The following ANKH variants were observed in gnomAD, a reference collection of about 807,000 sequenced individuals.
ANKH encodes ANKH inorganic pyrophosphate transport regulator, also known as mineralization regulator ANKH.
A neutral mutation model predicts 49.0 loss-of-function variants in ANKH; 15 were observed. The ratio of observed to expected loss-of-function variants is 0.31; its 90% CI spans 0.20 to 0.47. The LOEUF is 0.47. Ranked by LOEUF, ANKH falls within the 20% of genes least tolerant of loss-of-function variation. The probability of loss-of-function intolerance (pLI) is 1.00; values close to 1 mark genes in which losing one functional copy is unlikely to be tolerated. For missense variants in ANKH, 429 were observed against 652.0 expected (o/e 0.66, Z 3.72); for synonymous variants, 273 against 260.0 (o/e 1.05, Z -0.48).
intron 1 of ANKH, among the ~76,000 whole-genome samples, chr5:14,811,072 C>A (rs569703462): frequency 2.6e-5 from 4 of 152,280 alleles, no homozygotes; most frequent in African/African-American, 7.2e-5. Flanking sequence ...ATCATGATCC[C>A]TCCAGTAGAC....
At chr5:14,813,564 C>T (rs1430557528) in intron 1 of ANKH, among the ~76,000 whole-genome samples, 1 of 152,074 alleles carries the variant, frequency 6.6e-6, no homozygotes, top group African/African-American at 2.4e-5. Flanking sequence ...TCCTGGAAAC[C>T]CCCAATGTGA....
intron 2 of ANKH, chr5:14,768,682 C>G (rs1739327101): frequency 4.0e-6 from 2 of 495,762 alleles, no homozygotes. Context: ...AACGAAAGCA[C>G]CTGCTATTTT....
chr5:14,803,906 G>C (rs541362436), intron 1 of ANKH, among the ~76,000 whole-genome samples: 2 of 151,960 alleles, frequency 1.3e-5, no homozygotes, highest in South Asian at 4.1e-4. Flanking sequence ...CCCCAACTTT[G>C]TTTTTTTAGA....
chr5:14,867,869 CATTTT>C (rs1735697597), intron 1 of ANKH, among the ~76,000 whole-genome samples: 1 of 152,188 alleles, frequency 6.6e-6, no homozygotes, highest in South Asian at 2.1e-4. Flanking sequence ...AAAAGCAGAT[CATTTT>C]ATTCCATAGA....
At position 14,864,999 on chromosome 5, in the gene ANKH, G is replaced by A. The variant is rs989388513; in HGVS notation, c.96+6353C>T. 1.5e-4 allele frequency among the ~76,000 whole-genome samples: 23 copies of A among 152,120 alleles called. 1 individual carries two copies. Among genetic ancestry groups the A allele is most frequent in the Admixed American group, 1.2e-3 (19 of 15,268 alleles). ...TCGGCGGCCAGGCGTGGTGGCTCAC[G>A]CCTGTAATCCCAGCACTTTGGGAGG... On this transcript the variant is annotated intron_variant, in intron 1 of 11. Coordinates refer to ENST00000284268, the MANE Select transcript of ANKH (RefSeq NM_054027.6).
At chr5:14,785,984 T>C (rs1274327777) in intron 1 of ANKH, among the ~76,000 whole-genome samples, 2 of 141,330 alleles carry the variant, frequency 1.4e-5, no homozygotes, top group Non-Finnish European at 3.0e-5. Flanking sequence ...AGGCACAGGT[T>C]GCAGTGAGCC....
chr5:14,854,695 A>C (rs1048718098), intron 1 of ANKH, among the ~76,000 whole-genome samples: 1 of 152,088 alleles, frequency 6.6e-6, no homozygotes, highest in African/African-American at 2.4e-5. Flanking sequence ...TAAAATAAAT[A>C]AACAAAAAAT....
At chr5:14,798,211 G>A in intron 1 of ANKH, 1 of 1,594,736 alleles carries the variant, frequency 6.3e-7, no homozygotes, top group South Asian at 1.1e-5. Flanking sequence ...ACAAGTCGAT[G>A]AAGGCTGAAA....
chr5:14,849,242 TTTCTC>T (rs1242135544), intron 1 of ANKH, among the ~76,000 whole-genome samples: 7 of 152,228 alleles, frequency 4.6e-5, no homozygotes, highest in Non-Finnish European at 8.8e-5. Context: ...CCAAAAGTCT[TTTCTC>T]TTCCATCTTC....
intron 4 of ANKH, among the ~76,000 whole-genome samples, chr5:14,753,663 G>A (rs1432308284): frequency 6.6e-6 from 1 of 152,146 alleles, no homozygotes; most frequent in African/African-American, 2.4e-5. Flanking sequence ...ATGTTTCCAC[G>A]AATCCCTTGG....
rs530554547 is a variant in ANKH at position 14,712,858 on chromosome 5, G to A, written c.1365+16C>T. Reference sequence around the variant, plus strand: ...AGGATGCACCCGGGAGGAGGCTCCCGGCGCGGCTGTCTCACCTGCTTCCGG... The same window carrying A: ...AGGATGCACCCGGGAGGAGGCTCCCAGCGCGGCTGTCTCACCTGCTTCCGG... On this transcript the variant is annotated intron_variant, in intron 11 of 11. Coordinates refer to ENST00000284268, the MANE Select transcript of ANKH (RefSeq NM_054027.6). The A allele has an allele frequency of 3.3e-5, 52 of 1,588,620 alleles. No individual in the cohort carries two copies. Among genetic ancestry groups the A allele is most frequent in the South Asian group, 2.9e-4 (25 of 87,250 alleles).
intron 8 of ANKH, among the ~76,000 whole-genome samples, chr5:14,723,240 G>T (rs533412161): frequency 5.9e-5 from 9 of 152,134 alleles, no homozygotes; most frequent in Admixed American, 5.9e-4. Flanking sequence ...ACCAGGGCTG[G>T]CTCCTCGGTT....
At chr5:14,719,022 A>C (rs912079051) in intron 8 of ANKH, among the ~76,000 whole-genome samples, 1 of 151,684 alleles carries the variant, frequency 6.6e-6, no homozygotes, top group African/African-American at 2.4e-5. Flanking sequence ...TTCTGGAAAG[A>C]GGGGACAGCG....
rs552767653 is a variant in ANKH at position 14,751,605 on chromosome 5, C to T, written c.517-366G>A. The stretch of plus-strand genomic sequence containing the variant: ...GAACATATAACTATTCAAATAATGA[C>T]GGCACAGAGAAGCACTGCATGTGTG... On this transcript the variant is annotated intron_variant, in intron 4 of 11. Coordinates refer to ENST00000284268, the MANE Select transcript of ANKH (RefSeq NM_054027.6). Among the ~76,000 whole-genome samples, 12 of 152,204 alleles carry T rather than the reference C, an allele frequency of 7.9e-5. No individual in the cohort carries two copies. The South Asian group carries it at 8.3e-4, about 11-fold the overall frequency.
At chr5:14,812,176 A>T (rs578215993) in intron 1 of ANKH, among the ~76,000 whole-genome samples, 41 of 151,686 alleles carry the variant, frequency 2.7e-4, no homozygotes, top group African/African-American at 8.9e-4. Flanking sequence ...AAAACTACCA[A>T]GGGAAAACAG....
At chr5:14,810,111 G>A (rs1740833264) in intron 1 of ANKH, among the ~76,000 whole-genome samples, 1 of 151,836 alleles carries the variant, frequency 6.6e-6, no homozygotes, top group Non-Finnish European at 1.5e-5. Context: ...CCAATTCTGA[G>A]CTTCATGAGG....
Position 14,745,797 on chromosome 5 carries a change from C to T in ANKH, c.915+73G>A, listed in dbSNP as rs1738514644. The T allele has an allele frequency of 7.6e-6, 10 of 1,321,412 alleles. No homozygotes were observed. The South Asian group carries it at 1.2e-4, about 16-fold the overall frequency. The allele number at this position is 1,321,412 out of a possible 1,614,324, so 81.9% of individuals were successfully genotyped here. A position where few individuals can be genotyped will look rare whatever the true frequency, so the allele number is the denominator to read the frequency against. ...GACTGAGAAGCAACAAAGTGTCCCT[C>T]ATCAGAGAGCCCTGTCTATCAAGAA... is the stretch of plus-strand genomic sequence containing the variant. On this transcript the variant is annotated intron_variant, in intron 7 of 11. Transcript: ENST00000284268. This position sits in a 1 kb window ranked among gnomAD's most constrained non-coding sequence, Gnocchi z 4.7.
Position 14,713,072 on chromosome 5 carries a change from G to A in ANKH, c.1266-99C>T, listed in dbSNP as rs1031857169. ...GGAAAGTAAGTGTAGCCTCGAGACG[G>A]CTGAGACCAGCGGCGTTCTCCATCT... On this transcript the variant is annotated intron_variant, in intron 10 of 11. Transcript: ENST00000284268. The surrounding 1 kb of genome is among the most constrained non-coding windows in gnomAD (Gnocchi z 4.4). 34 of 1,159,120 alleles carry A rather than the reference G, an allele frequency of 2.9e-5. No homozygotes were observed. The highest frequency in any genetic ancestry group is 4.3e-5 in the Non-Finnish European group (34 of 797,394). 71.8% of individuals were successfully genotyped at this position (1,159,120 alleles called of 1,614,324 possible). A position where few individuals can be genotyped will look rare whatever the true frequency, so the allele number is the denominator to read the frequency against.
At chr5:14,726,137 G>A (rs1737816017) in intron 8 of ANKH, among the ~76,000 whole-genome samples, 1 of 152,142 alleles carries the variant, frequency 6.6e-6, no homozygotes, top group Non-Finnish European at 1.5e-5. Flanking sequence ...CACCTCATGA[G>A]GAAGGCACAC....
Sources: gnomAD v4.1 joint callset for allele counts (sites outside exome capture counted in the v4.1 genomes callset) on GRCh38, gnomAD v4.1.1 for gene constraint, Gnocchi (gnomAD v3.1) non-coding constraint, MANE v1.5 for transcripts, NCBI Gene and HGNC (gene_info 2026-07-23, HGNC 2026-07-21) for gene names.